Variants in INTS4 observed in about 807,000 individuals in gnomAD.
INTS4 encodes integrator complex subunit 4.
In INTS4, 70 loss-of-function variants were observed where a neutral mutation model predicts 119.5. That is an observed-to-expected ratio of 0.59 (90% CI 0.48 to 0.71). The LOEUF is 0.71. INTS4 is among the 30% of genes least tolerant of loss of function. The probability of loss-of-function intolerance (pLI) is 0.00; values close to 1 mark genes in which losing one functional copy is unlikely to be tolerated. For missense variants in INTS4, 867 were observed against 1,173.2 expected (o/e 0.74, Z 3.81); for synonymous variants, 316 against 419.6 (o/e 0.75, Z 3.02).
chr11:77,924,052 AC>A (rs1194139923), intron 12 of INTS4, among the ~76,000 whole-genome samples: 3 of 149,812 alleles, frequency 2.0e-5, no homozygotes, highest in East Asian at 4.1e-4. Context: ...GGCGTGAGCC[AC>A]TGCACCCAGC....
intron 4 of INTS4, among the ~76,000 whole-genome samples, chr11:77,970,558 G>C (rs921617859): frequency 6.6e-6 from 1 of 151,884 alleles, no homozygotes; most frequent in African/African-American, 2.4e-5. Flanking sequence ...ACCAGGCACA[G>C]TGGCTCACTC....
chr11:77,968,975 ACT>A (rs1373615443), intron 4 of INTS4, among the ~76,000 whole-genome samples: 1 of 152,032 alleles, frequency 6.6e-6, no homozygotes, highest in Admixed American at 6.6e-5. Flanking sequence ...ACAGAGTCTC[ACT>A]CTGTCGCCCA....
chr11:77,891,003 C>A (rs1952238217), intron 21 of INTS4, among the ~76,000 whole-genome samples: 1 of 152,178 alleles, frequency 6.6e-6, no homozygotes, highest in Non-Finnish European at 1.5e-5. Context: ...ATCTTAACGT[C>A]ACATTACAAG....
rs530727965 is a variant in INTS4 at position 77,983,945 on chromosome 11, G to A, written c.247-2369C>T. Among the ~76,000 whole-genome samples the A allele has an allele frequency of 3.9e-5, 6 of 152,236 alleles. No individual in the cohort carries two copies. In the East Asian group the frequency reaches 1.2e-3, roughly 29 times the overall value. On this transcript the variant is annotated intron_variant, in intron 2 of 22. Coordinates refer to ENST00000534064, the MANE Select transcript of INTS4 (RefSeq NM_033547.4). ...TATTTGGACAAATATGTTCATAGCA[G>A]CATTATTCACAACAGCTAAAATGTG... is the stretch of plus-strand genomic sequence containing the variant.
chr11:77,953,116 A>T (rs564438262), intron 8 of INTS4, among the ~76,000 whole-genome samples: 49 of 152,328 alleles, frequency 3.2e-4, no homozygotes, highest in African/African-American at 1.2e-3. Context: ...AAAGCGCTTC[A>T]CACAGGTTTC....
chr11:77,989,741 A>T (rs1291058580), intron 2 of INTS4, among the ~76,000 whole-genome samples: 17 of 151,486 alleles, frequency 1.1e-4, no homozygotes, highest in Non-Finnish European at 2.2e-4. Context: ...AAAAAAAAAA[A>T]ATACAAAAAT....
chr11:77,935,903 A>AAAAAAAGAAAAGAAAGAGAG (rs71046927), intron 10 of INTS4, among the ~76,000 whole-genome samples: 53,077 of 82,528 alleles, frequency 0.64, 18,342 homozygotes, highest in African/African-American at 0.79. Flanking sequence ...CTCAAAAAAA[A>AAAAAAAGAAAAGAAAGAGAG]AAAAAAGAAA....
chr11:77,905,498 G>A (rs1952921371), intron 16 of INTS4, among the ~76,000 whole-genome samples: 1 of 151,356 alleles, frequency 6.6e-6, no homozygotes, highest in Admixed American at 6.6e-5. Flanking sequence ...CGGACTCTCT[G>A]GGTTCTGCTG....
intron 4 of INTS4, among the ~76,000 whole-genome samples, chr11:77,971,385 C>T (rs1014671826): frequency 3.9e-5 from 6 of 151,988 alleles, no homozygotes; most frequent in Admixed American, 6.6e-5. Context: ...AAGTGGCTCA[C>T]GCTGTAATCC....
At chr11:77,911,079 A>G (rs1953078941) in intron 15 of INTS4, 1 of 1,287,044 alleles carries the variant, frequency 7.8e-7, no homozygotes, top group African/African-American at 1.5e-5. Context: ...ACTTCCTCCC[A>G]TCTCATGCTC....
intron 15 of INTS4, among the ~76,000 whole-genome samples, chr11:77,917,449 G>C (rs1486769745): frequency 6.6e-6 from 1 of 151,626 alleles, no homozygotes; most frequent in Non-Finnish European, 1.5e-5. Flanking sequence ...AAGTAGCTGG[G>C]ATTACAGGCG....
intron 7 of INTS4, among the ~76,000 whole-genome samples, chr11:77,957,137 T>C (rs1302007598): frequency 6.6e-6 from 1 of 152,130 alleles, no homozygotes; most frequent in African/African-American, 2.4e-5. Context: ...TTCACCATGT[T>C]GCCCAGGCTG....
At chr11:77,900,457 T>A (rs542899548) in intron 18 of INTS4, 1 of 552,216 alleles carries the variant, frequency 1.8e-6, no homozygotes, top group Admixed American at 3.3e-5. Context: ...ACTATCAAGA[T>A]ACGTGAAGAA....
intron 4 of INTS4, among the ~76,000 whole-genome samples, chr11:77,963,059 T>C (rs924256584): frequency 1.3e-5 from 2 of 152,166 alleles, no homozygotes; most frequent in African/African-American, 4.8e-5. Context: ...GAACTATTTA[T>C]ATTTAGTATA....
intron 15 of INTS4, among the ~76,000 whole-genome samples, chr11:77,910,230 T>C (rs1565238293): frequency 1.3e-5 from 2 of 151,986 alleles, no homozygotes; most frequent in African/African-American, 4.8e-5. Context: ...TAAGAAAATG[T>C]GGCATATATA....
In INTS4 at chr11:77,981,474, T is replaced by G. The variant is rs748261376; in HGVS notation, c.349A>C (p.Ile117Leu). 6.6e-7 allele frequency: 1 copy of G among 1,520,826 alleles called. No individual in the cohort carries two copies. Among genetic ancestry groups the G allele is most frequent in the South Asian group, 1.3e-5 (1 of 77,850 alleles). 94.2% of individuals were successfully genotyped at this position (1,520,826 alleles called of 1,614,324 possible). A position where few individuals can be genotyped will look rare whatever the true frequency, so the allele number is the denominator to read the frequency against. The part of the protein sequence containing the change: ...PDCIMDDAIN[I>L]LQNEKSHQVL... Reference sequence around the variant, plus strand: ...TGCAACTTACTTTCATTCTGCAGGATGTTGATGGCATCATCCATAATGCAG... The same window carrying G: ...TGCAACTTACTTTCATTCTGCAGGAGGTTGATGGCATCATCCATAATGCAG... Residue 117 changes from isoleucine (I) to leucine (L), a missense_variant, in exon 3 of 23, where the codon ATC becomes CTC. Transcript: ENST00000534064.
At chr11:77,967,370 T>A (rs990144242) in intron 4 of INTS4, among the ~76,000 whole-genome samples, 1 of 152,128 alleles carries the variant, frequency 6.6e-6, no homozygotes, top group African/African-American at 2.4e-5. Flanking sequence ...TTAAGCCAGT[T>A]AAAGAGCCTT....
In INTS4 at chr11:77,979,082, G is replaced by T; in HGVS notation, c.385C>A (p.Gln129Lys). ...QNEKSHQVLAQLLDTLLAIGT... is the reference protein window; with the variant it reads ...QNEKSHQVLAKLLDTLLAIGT... ...ATTGCAAGCAAAGTATCCAGCAGTT[G>T]AGCTAGGACTTGATGAGACTCTAGA... The change falls in exon 4 of 23, where the codon CAA becomes AAA. Residue 129 changes from glutamine to lysine, a missense_variant. By Grantham distance (53) the Gln-to-Lys change is moderately conservative. Coordinates refer to ENST00000534064, the MANE Select transcript of INTS4 (RefSeq NM_033547.4). The T allele has an allele frequency of 6.2e-7, 1 of 1,611,136 alleles. No homozygotes were observed. The highest frequency in any genetic ancestry group is 1.1e-5 in the South Asian group (1 of 90,950).
intron 21 of INTS4, among the ~76,000 whole-genome samples, chr11:77,886,635 C>G (rs1356807367): frequency 6.6e-6 from 1 of 152,150 alleles, no homozygotes; most frequent in African/African-American, 2.4e-5. Context: ...TCCAGCGAAA[C>G]CACAGCCAAG....
Sources: allele counts gnomAD v4.1 joint callset (sites outside exome capture counted in the v4.1 genomes callset), GRCh38; gene constraint gnomAD v4.1.1; transcripts MANE v1.5; gene names NCBI Gene and HGNC (gene_info 2026-07-23, HGNC 2026-07-21).